The following CDH13 variants were observed in gnomAD, a reference collection of about 807,000 sequenced individuals.
The protein encoded by CDH13 is cadherin-13.
In CDH13, 24 loss-of-function variants were observed where a neutral mutation model predicts 63.8. The ratio of observed to expected loss-of-function variants is 0.38; its 90% CI spans 0.27 to 0.53. CDH13 has a LOEUF of 0.53. CDH13 is among the 20% of genes least tolerant of loss of function. The pLI is 0.85. For synonymous variants in CDH13, 503 were observed against 355.3 expected (o/e 1.42, Z -4.67); for missense variants, 1,049 against 903.1 (o/e 1.16, Z -2.07).
chr16:83,547,827 G>C (rs771357097), intron 7 of CDH13, among the ~76,000 whole-genome samples: 2 of 152,164 alleles, frequency 1.3e-5, no homozygotes, highest in Non-Finnish European at 2.9e-5. Context: ...GGCTGAAATA[G>C]ATAAAGGAGT....
intron 1 of CDH13, among the ~76,000 whole-genome samples, chr16:82,827,481 T>TGA (rs2038308871): frequency 6.6e-6 from 1 of 152,090 alleles, no homozygotes; most frequent in South Asian, 2.1e-4. Flanking sequence ...CATGAGGCAG[T>TGA]GATGATGTGA....
intron 1 of CDH13, among the ~76,000 whole-genome samples, chr16:82,852,704 G>C (rs2039542884): frequency 1.3e-5 from 2 of 152,220 alleles, no homozygotes; most frequent in Non-Finnish European, 2.9e-5. Context: ...AGATGTCCAA[G>C]CAAGTGTTTA....
intron 3 of CDH13, among the ~76,000 whole-genome samples, chr16:83,057,707 T>C (rs771444422): frequency 3.9e-5 from 6 of 152,188 alleles, no homozygotes; most frequent in Non-Finnish European, 8.8e-5. Context: ...TGACCTGAGC[T>C]GTCTTGAATA....
At chr16:82,905,311 C>G (rs1332839734) in intron 2 of CDH13, among the ~76,000 whole-genome samples, 1 of 152,096 alleles carries the variant, frequency 6.6e-6, no homozygotes, top group Non-Finnish European at 1.5e-5. Context: ...TATAATATAA[C>G]AAGATATTTA....
chr16:82,642,162 A>C (rs1909487987), intron 1 of CDH13, among the ~76,000 whole-genome samples: 1 of 151,486 alleles, frequency 6.6e-6, no homozygotes, highest in South Asian at 2.1e-4. Flanking sequence ...CTGCAGCCTA[A>C]CACCTAACTC....
intron 10 of CDH13, among the ~76,000 whole-genome samples, chr16:83,716,241 G>A (rs551351206): frequency 6.6e-6 from 1 of 152,096 alleles, no homozygotes; most frequent in Non-Finnish European, 1.5e-5. Context: ...TGGGACATTC[G>A]TTACAACTAA....
At chr16:83,232,605 C>G (rs2040035503) in intron 5 of CDH13, among the ~76,000 whole-genome samples, 1 of 151,756 alleles carries the variant, frequency 6.6e-6, no homozygotes, top group Non-Finnish European at 1.5e-5. Flanking sequence ...TTTGCTCTTG[C>G]CTTTGCCATG....
intron 1 of CDH13, among the ~76,000 whole-genome samples, chr16:82,674,151 A>G (rs1913621175): frequency 6.6e-6 from 1 of 152,210 alleles, no homozygotes; most frequent in Admixed American, 6.5e-5. Context: ...TGAGAGAGGA[A>G]TTAGCAGAAA....
chr16:82,855,367 G>A (rs1482030971), intron 1 of CDH13, among the ~76,000 whole-genome samples: 2 of 152,118 alleles, frequency 1.3e-5, no homozygotes, highest in Non-Finnish European at 2.9e-5. Context: ...TGAGGATTCT[G>A]GGAGAAATTT....
At chr16:83,502,686 G>C (rs1034836538) in intron 7 of CDH13, among the ~76,000 whole-genome samples, 8 of 152,158 alleles carry the variant, frequency 5.3e-5, no homozygotes, top group Admixed American at 2.0e-4. Context: ...AGAGATGACA[G>C]GTGAAGTACA....
At chr16:83,290,130 T>A (rs562671441) in intron 5 of CDH13, among the ~76,000 whole-genome samples, 3 of 152,248 alleles carry the variant, frequency 2.0e-5, no homozygotes, top group East Asian at 3.9e-4. Flanking sequence ...CAGATGCATG[T>A]TGTTGTTGCA....
chr16:83,198,025 C>T (rs991587672), intron 4 of CDH13, among the ~76,000 whole-genome samples: 4 of 152,050 alleles, frequency 2.6e-5, no homozygotes, highest in East Asian at 1.9e-4. Context: ...TATGTTTATG[C>T]AGTTGTATGC....
At chr16:82,743,090 A>G (rs1008180622) in intron 1 of CDH13, among the ~76,000 whole-genome samples, 1 of 152,224 alleles carries the variant, frequency 6.6e-6, no homozygotes, top group Admixed American at 6.5e-5. Context: ...TAGCGCCCAC[A>G]ACACCTTTTA....
At chr16:83,344,017 A>G (rs1001039593) in intron 5 of CDH13, among the ~76,000 whole-genome samples, 1 of 152,352 alleles carries the variant, frequency 6.6e-6, no homozygotes, top group Non-Finnish European at 1.5e-5. Flanking sequence ...TCACACAGAT[A>G]GGAAAGAGTT....
intron 3 of CDH13, among the ~76,000 whole-genome samples, chr16:83,087,047 C>T (rs988486392): frequency 2.0e-5 from 3 of 152,150 alleles, no homozygotes; most frequent in African/African-American, 7.2e-5. Flanking sequence ...AAAGAAAATC[C>T]ACAAGTCAGC....
intron 4 of CDH13, among the ~76,000 whole-genome samples, chr16:83,174,420 A>T (rs901336918): frequency 4.6e-5 from 7 of 152,022 alleles, no homozygotes; most frequent in Non-Finnish European, 8.8e-5. Context: ...TTTCAGAATT[A>T]CTTAGAGCTT....
chr16:82,671,138 C>T (rs1383525777), intron 1 of CDH13, among the ~76,000 whole-genome samples: 6 of 152,194 alleles, frequency 3.9e-5, no homozygotes, highest in African/African-American at 1.4e-4. Context: ...GAATACAAGT[C>T]TGTGCAGTGC....
intron 2 of CDH13, among the ~76,000 whole-genome samples, chr16:82,900,425 G>A (rs977322916): frequency 3.8e-5 from 1 of 26,028 alleles, no homozygotes; most frequent in African/African-American, 1.7e-4. Context: ...GGTTCAAGAA[G>A]TACAGGGATG....
chr16:83,671,260 T>C (rs1360542406), intron 9 of CDH13, among the ~76,000 whole-genome samples: 1 of 152,206 alleles, frequency 6.6e-6, no homozygotes, highest in African/African-American at 2.4e-5. Flanking sequence ...GTTTTCATTT[T>C]TGTTTTTTGA....
Sources: allele counts gnomAD v4.1 joint callset (sites outside exome capture counted in the v4.1 genomes callset), GRCh38; gene constraint gnomAD v4.1.1; transcripts MANE v1.5; gene names NCBI Gene and HGNC (gene_info 2026-07-23, HGNC 2026-07-21).